NRK: variants seen among roughly 807,000 people sequenced by gnomAD.
The protein encoded by NRK is nik-related protein kinase.
NRK carries 67 observed loss-of-function variants against 125.2 expected under a neutral mutation model. The observed-to-expected ratio is 0.54, with a 90% confidence interval of 0.44 to 0.66. The LOEUF (loss-of-function observed/expected upper bound fraction) is 0.66. NRK is among the 30% of genes least tolerant of loss of function. NRK has a pLI of 0.00. For missense variants in NRK, 1,224 were observed against 1,192.9 expected, an observed-to-expected ratio of 1.03 and a Z score of -0.38; for synonymous variants, 458 against 429.0, an observed-to-expected ratio of 1.07 and a Z score of -0.84.
At chrX:105,856,064 G>A (rs1383810844) in intron 2 of NRK, among the ~76,000 whole-genome samples, 1 of 111,186 alleles carries the variant, frequency 9.0e-6, no homozygotes, top group African/African-American at 3.3e-5. Flanking sequence ...TGACAGTTTT[G>A]CTAAATCCTT....
In NRK at chrX:105,958,282, A is replaced by G. The variant is rs1053636738; in HGVS notation, c.*2682A>G. Reference sequence around the variant, plus strand: ...AATCATTAAGATAGTAAAACAGGCAAAGCAGAATCACATGTGCACACACAC... The same window carrying G: ...AATCATTAAGATAGTAAAACAGGCAGAGCAGAATCACATGTGCACACACAC... On this transcript the variant is annotated 3_prime_UTR_variant, in exon 29 of 29. Coordinates refer to ENST00000243300, the MANE Select transcript of NRK (RefSeq NM_198465.4). 1 of 112,275 alleles carries G rather than the reference A, an allele frequency of 8.9e-6. No individual in the cohort carries two copies. The highest frequency in any genetic ancestry group is 1.9e-5 in the Non-Finnish European group (1 of 53,276). 9.3% of individuals were successfully genotyped at this position (112,275 alleles called of 1,213,427 possible).
intron 2 of NRK, among the ~76,000 whole-genome samples, chrX:105,833,206 T>C (rs888308532): frequency 1.8e-5 from 2 of 111,228 alleles, no homozygotes; most frequent in African/African-American, 6.5e-5. Context: ...TGATCATATC[T>C]ATTAACAGAA....
At position 105,865,014 on chromosome X, in the gene NRK, C is replaced by G. The variant is rs775021815; in HGVS notation, c.124-15185C>G. On this transcript the variant is annotated intron_variant, in intron 2 of 28. Coordinates refer to ENST00000243300, the MANE Select transcript of NRK (RefSeq NM_198465.4). Reference sequence around the variant, plus strand: ...CCATATACACAACTCTTTATGCCCCCCTTCAGGCTCCTGTTGGGGATTGTA... The same window carrying G: ...CCATATACACAACTCTTTATGCCCCGCTTCAGGCTCCTGTTGGGGATTGTA... Among the ~76,000 whole-genome samples the G allele has an allele frequency of 4.5e-5, 5 of 111,482 alleles. No individual in the cohort carries two copies. In the South Asian group the frequency reaches 1.5e-3, roughly 34 times the overall value.
At chrX:105,824,182 G>A (rs981300970) in intron 1 of NRK, among the ~76,000 whole-genome samples, 11 of 111,716 alleles carry the variant, frequency 9.8e-5, no homozygotes, top group African/African-American at 2.6e-4. Context: ...ACAGATATTA[G>A]TGTTGCAATT....
chrX:105,946,871 A>G (rs2040819916), intron 26 of NRK, among the ~76,000 whole-genome samples: 1 of 111,563 alleles, frequency 9.0e-6, no homozygotes, highest in Non-Finnish European at 1.9e-5. Flanking sequence ...TTCTCTACCC[A>G]TTTATGTTTA....
In NRK at chrX:105,841,790, A is replaced by T. The variant is rs992619062; in HGVS notation, c.123+10671A>T. On this transcript the variant is annotated intron_variant, in intron 2 of 28. Transcript: ENST00000243300. Reference sequence around the variant, plus strand: ...TGAACTGGGTGAGAAAAAGATGGAGATTTAAATATTAGTCACTTTAGAGAT... The same window carrying T: ...TGAACTGGGTGAGAAAAAGATGGAGTTTTAAATATTAGTCACTTTAGAGAT... 4.5e-5 allele frequency among the ~76,000 whole-genome samples: 5 copies of T among 111,622 alleles called. No individual in the cohort carries two copies. In the East Asian group the frequency reaches 1.4e-3, roughly 32 times the overall value.
chrX:105,876,959 G>C (rs1034982183), intron 2 of NRK, among the ~76,000 whole-genome samples: 10 of 111,622 alleles, frequency 9.0e-5, no homozygotes, highest in Non-Finnish European at 1.9e-4. Context: ...ACGAACATCA[G>C]TCACTTAATC....
At chrX:105,836,343 T>C (rs1268352916) in intron 2 of NRK, among the ~76,000 whole-genome samples, 1 of 111,892 alleles carries the variant, frequency 8.9e-6, no homozygotes, top group Admixed American at 9.5e-5. Flanking sequence ...AAGAATTTTC[T>C]GTGTACCTAC....
chrX:105,823,329 T>G (rs376794370), intron 1 of NRK, among the ~76,000 whole-genome samples: 9 of 112,118 alleles, frequency 8.0e-5, no homozygotes, highest in African/African-American at 1.3e-4. Flanking sequence ...GTTTGCTGCT[T>G]CTTTTGCCAT....
In NRK at chrX:105,953,062, A is replaced by G. The variant is rs748976238; in HGVS notation, c.4542A>G (p.Gly1514=). Residue 1514 remains glycine (G), a synonymous_variant, in exon 28 of 29, where the codon GGA becomes GGG. Coordinates refer to ENST00000243300, the MANE Select transcript of NRK (RefSeq NM_198465.4). ...IAFECTQRTT[G]WGQKAIEVRS... Reference sequence around the variant, plus strand: ...TTGAATGTACACAGCGAACCACAGGATGGGGCCAAAAGGCCATTGAAGTGC... The same window carrying G: ...TTGAATGTACACAGCGAACCACAGGGTGGGGCCAAAAGGCCATTGAAGTGC... 5.9e-6 allele frequency: 7 copies of G among 1,188,980 alleles called. No homozygotes were observed. The African/African-American group carries it at 7.0e-5, about 12-fold the overall frequency.
intron 1 of NRK, among the ~76,000 whole-genome samples, chrX:105,827,108 G>C (rs1271791524): frequency 1.8e-5 from 2 of 111,597 alleles, no homozygotes; most frequent in Admixed American, 1.9e-4. Context: ...ACACTGGGCT[G>C]GATGAAGAGA....
intron 2 of NRK, among the ~76,000 whole-genome samples, chrX:105,837,175 A>G (rs1369676490): frequency 9.0e-6 from 1 of 111,705 alleles, no homozygotes; most frequent in African/African-American, 3.2e-5. Flanking sequence ...ATTAACGATT[A>G]GAATAGTGAG....
intron 2 of NRK, among the ~76,000 whole-genome samples, chrX:105,856,127 A>C (rs192594121): frequency 8.9e-6 from 1 of 112,027 alleles, no homozygotes; most frequent in Admixed American, 9.5e-5. Context: ...TTACATTAAC[A>C]GTTGCTTACA....
At chrX:105,921,241 A>G (rs1273059040) in intron 16 of NRK, among the ~76,000 whole-genome samples, 1 of 105,737 alleles carries the variant, frequency 9.5e-6, no homozygotes, top group African/African-American at 3.5e-5. Context: ...ACAAAAAACC[A>G]AACACCGCAT....
chrX:105,907,096 T>C (rs2040230982), intron 11 of NRK: 1 of 110,655 alleles, frequency 9.0e-6, no homozygotes. Context: ...AAATATAAAA[T>C]ATAATTAAAG....
At chrX:105,948,777 C>A in intron 26 of NRK, 1 of 394,399 alleles carries the variant, frequency 2.5e-6, no homozygotes, top group African/African-American at 2.8e-5. Context: ...TAGTTTCTGA[C>A]TTTTTTTTTT....
chrX:105,870,552 G>A (rs959046870), intron 2 of NRK, among the ~76,000 whole-genome samples: 2 of 111,733 alleles, frequency 1.8e-5, no homozygotes, highest in Non-Finnish European at 3.8e-5. Flanking sequence ...AATGTTGTAT[G>A]TATCCCACAG....
chrX:105,850,567 A>T (rs749241831), intron 2 of NRK, among the ~76,000 whole-genome samples: 14 of 112,365 alleles, frequency 1.2e-4, no homozygotes, highest in African/African-American at 4.2e-4. Context: ...TTTAAAATGG[A>T]ATGTTTTTAA....
rs1427885008 is a variant in NRK, at chrX:105,923,165, G to A, written c.2658G>A (p.Leu886=). 8.3e-7 allele frequency: 1 copy of A among 1,203,359 alleles called. No individual in the cohort carries two copies. The highest frequency in any genetic ancestry group is 1.1e-6 in the Non-Finnish European group (1 of 888,513). Residue 886 remains leucine (L), a synonymous_variant, in exon 18 of 29, where the codon TTG becomes TTA. Transcript: ENST00000243300. The part of the protein sequence containing the change: ...KVGKISPPVY[L]TNEWVGYNAL... Reference sequence around the variant, plus strand: ...GAAAAATATCACCCCCTGTATACTTGACAAACGAATGGGTAGGCTATAATG... The same window carrying A: ...GAAAAATATCACCCCCTGTATACTTAACAAACGAATGGGTAGGCTATAATG...
Sources: gnomAD v4.1 joint callset for allele counts (sites outside exome capture counted in the v4.1 genomes callset) on GRCh38, gnomAD v4.1.1 for gene constraint, MANE v1.5 for transcripts, NCBI Gene and HGNC (gene_info 2026-07-23, HGNC 2026-07-21) for gene names.